PIK3CD: variants seen among roughly 807,000 people sequenced by gnomAD.
The protein encoded by PIK3CD is phosphatidylinositol-4,5-bisphosphate 3-kinase catalytic subunit delta.
A neutral mutation model predicts 122.9 loss-of-function variants in PIK3CD; 20 were observed. That is an observed-to-expected ratio of 0.16 (90% confidence interval 0.11 to 0.24). The LOEUF is 0.24. Among genes scored for constraint, PIK3CD ranks in the 10% least tolerant of loss-of-function variants. The pLI, the probability that PIK3CD is intolerant of heterozygous loss-of-function variation, is 1.00. For synonymous variants in PIK3CD, 596 were observed against 593.4 expected (o/e 1.00, Z -0.06); for missense variants, 787 against 1,406.3 (o/e 0.56, Z 7.04).
At chr1:9,647,110 T>TA (rs201689805), upstream of PIK3CD, among the ~76,000 whole-genome samples, 101 of 138,888 alleles carry the variant, frequency 7.3e-4, no homozygotes, top group Middle Eastern at 7.6e-3. Flanking sequence ...AGACTCTGTC[T>TA]AAAAAAAAAA....
chr1:9,636,900 CTTTCT>C, the PIK3CD span, among the ~76,000 whole-genome samples: 1 of 148,592 alleles, frequency 6.7e-6, no homozygotes, highest in African/African-American at 2.5e-5. Context: ...CTTTTCTTTT[CTTTCT>C]TTTTTTTTTT....
chr1:9,692,930 C>T (rs1646258713), intron 2 of PIK3CD, among the ~76,000 whole-genome samples: 2 of 152,112 alleles, frequency 1.3e-5, no homozygotes, highest in African/African-American at 2.4e-5. Flanking sequence ...AGCCATAGAT[C>T]ATGTAGACCC....
At chr1:9,716,210 C>T in intron 5 of PIK3CD, 132 bp downstream of exon 5, 1 of 902,544 alleles carries the variant, frequency 1.1e-6, no homozygotes. Context: ...GGTGTCTGTG[C>T]ATGTGTGGGG....
At chr1:9,633,113 G>A in the PIK3CD span, among the ~76,000 whole-genome samples, 1 of 151,776 alleles carries the variant, frequency 6.6e-6, no homozygotes, top group African/African-American at 2.4e-5. Context: ...CGCCCGCCTC[G>A]GCCTCCCATA....
chr1:9,678,661 G>C (rs1213237966), intron 1 of PIK3CD, among the ~76,000 whole-genome samples: 1 of 152,182 alleles, frequency 6.6e-6, no homozygotes, highest in East Asian at 1.9e-4. Context: ...TCTGTCGTAT[G>C]AGATTCTGAC....
At chr1:9,695,579 C>A (rs910099132) in intron 2 of PIK3CD, among the ~76,000 whole-genome samples, 1 of 152,316 alleles carries the variant, frequency 6.6e-6, no homozygotes, top group Admixed American at 6.5e-5. Context: ...CGCAATGGCT[C>A]ACACCTGTAA....
chr1:9,657,032 G>C (rs1264671762), intron 1 of PIK3CD, among the ~76,000 whole-genome samples: 1 of 152,052 alleles, frequency 6.6e-6, no homozygotes, highest in Non-Finnish European at 1.5e-5. Flanking sequence ...CGCTCCCTCT[G>C]GGGGCTGTAG....
chr1:9,678,478 C>T (rs942177005), intron 1 of PIK3CD, among the ~76,000 whole-genome samples: 1 of 152,052 alleles, frequency 6.6e-6, no homozygotes, highest in Non-Finnish European at 1.5e-5. Context: ...AAAAAAACTC[C>T]ATCTTCCACC....
intron 2 of PIK3CD, among the ~76,000 whole-genome samples, chr1:9,696,725 C>CAA (rs201750410): frequency 1.7e-5 from 2 of 119,334 alleles, no homozygotes. Flanking sequence ...GACCCTGTCC[C>CAA]AAAAAAAAAA....
At chr1:9,663,551 C>A in intron 1 of PIK3CD, among the ~76,000 whole-genome samples, 1 of 151,462 alleles carries the variant, frequency 6.6e-6, no homozygotes, top group East Asian at 1.9e-4. Context: ...AGAGGTCTGA[C>A]TTTATTTACT....
chr1:9,703,592 G>A (rs1408319342), intron 2 of PIK3CD, among the ~76,000 whole-genome samples: 1 of 152,220 alleles, frequency 6.6e-6, no homozygotes, highest in Non-Finnish European at 1.5e-5. Context: ...TCTTTGTACA[G>A]TTGGAATCAT....
intron 1 of PIK3CD, chr1:9,680,998 G>C (rs150594865): frequency 6.6e-6 from 1 of 152,194 alleles, no homozygotes; most frequent in Admixed American, 6.6e-5. Flanking sequence ...ACCTGCCACA[G>C]CGTGGTTGGC....
the PIK3CD span, among the ~76,000 whole-genome samples, chr1:9,630,122 C>T: frequency 1.3e-5 from 2 of 152,228 alleles, no homozygotes; most frequent in Non-Finnish European, 1.5e-5. Flanking sequence ...ACTCTGAAAA[C>T]AGCATTTTTC....
intron 1 of PIK3CD, among the ~76,000 whole-genome samples, chr1:9,686,412 GGTT>G (rs1371487843): frequency 6.7e-6 from 1 of 150,108 alleles, no homozygotes; most frequent in East Asian, 1.9e-4. Context: ...GTTTTGCCCA[GGTT>G]GTTCTTAAAC....
intron 16 of PIK3CD, 33 bp downstream of exon 16, chr1:9,721,893 G>A: frequency 1.9e-6 from 3 of 1,612,326 alleles, no homozygotes; most frequent in Non-Finnish European, 2.5e-6. Flanking sequence ...GCGGGCAGGG[G>A]GCGGCCCTGA....
Position 9,718,774 on chromosome 1 carries a change from G to A in PIK3CD, c.1101G>A (p.Ser367=), listed in dbSNP as rs750134067. 5.6e-6 allele frequency: 9 copies of A among 1,610,872 alleles called. No homozygotes were observed. Among genetic ancestry groups the A allele is most frequent in the Admixed American group, 5.0e-5 (3 of 59,902 alleles). The change falls in exon 9 of 24, where the codon TCG becomes TCA. Residue 367 remains serine (S), a synonymous_variant. Coordinates refer to ENST00000377346, the MANE Select transcript of PIK3CD (RefSeq NM_005026.5). This position sits in a 1 kb window ranked among gnomAD's most constrained non-coding sequence, Gnocchi z 7.2. ...CCAGCTCGGAGGTGAGCGTGTGCTC[G>A]GAGCCCGTGTGGAAGCAGCGGCTGG... The part of the protein sequence containing the change: ...TVSSSEVSVC[S]EPVWKQRLEF...
chr1:9,651,561 C>G (rs904331708), upstream of PIK3CD, among the ~76,000 whole-genome samples: 1 of 152,196 alleles, frequency 6.6e-6, no homozygotes, highest in Non-Finnish European at 1.5e-5. Flanking sequence ...GATGATGCCC[C>G]TCTAGCGGTA....
intron 1 of PIK3CD, among the ~76,000 whole-genome samples, chr1:9,683,417 G>T (rs1290655136): frequency 1.3e-5 from 2 of 149,066 alleles, no homozygotes; most frequent in East Asian, 4.0e-4. Flanking sequence ...CAGCCTGGGC[G>T]ACAGAGTGAG....
intron 2 of PIK3CD, among the ~76,000 whole-genome samples, chr1:9,705,003 G>T (rs768566814): frequency 6.6e-6 from 1 of 152,034 alleles, no homozygotes; most frequent in African/African-American, 2.4e-5. Flanking sequence ...CCCAGCCGGC[G>T]CTGCCACCCA....
Sources: allele counts gnomAD v4.1 joint callset (sites outside exome capture counted in the v4.1 genomes callset), GRCh38; gene constraint gnomAD v4.1.1; non-coding constraint Gnocchi (gnomAD v3.1); transcripts MANE v1.5; gene names NCBI Gene and HGNC (gene_info 2026-07-23, HGNC 2026-07-21).